RSPO2: variants seen among roughly 807,000 people sequenced by gnomAD.
RSPO2 encodes R-spondin-2.
RSPO2 carries 14 observed loss-of-function variants against 30.9 expected under a neutral mutation model. The ratio of observed to expected loss-of-function variants is 0.45; its 90% CI spans 0.30 to 0.71. The LOEUF is 0.71. Ranked by LOEUF, RSPO2 falls within the 30% of genes least tolerant of loss-of-function variation. The probability of loss-of-function intolerance (pLI) is 0.08; values close to 1 mark genes in which losing one functional copy is unlikely to be tolerated. For missense variants in RSPO2, 264 were observed against 301.9 expected (o/e 0.87, Z 0.93); for synonymous variants, 107 against 96.4 (o/e 1.11, Z -0.64).
chr8:107,911,659 A>G (rs1477130939), intron 5 of RSPO2, among the ~76,000 whole-genome samples: 1 of 152,194 alleles, frequency 6.6e-6, no homozygotes, highest in Admixed American at 6.6e-5. Context: ...TAATCCTTAC[A>G]GCAACTCGCA....
intron 5 of RSPO2, among the ~76,000 whole-genome samples, chr8:107,946,793 G>A (rs942127907): frequency 2.0e-5 from 3 of 152,110 alleles, no homozygotes; most frequent in South Asian, 2.1e-4. Context: ...CATTCAACCC[G>A]TAAGTAGTCA....
At chr8:107,928,477 T>C (rs1411269828) in intron 5 of RSPO2, among the ~76,000 whole-genome samples, 1 of 152,190 alleles carries the variant, frequency 6.6e-6, no homozygotes, top group African/African-American at 2.4e-5. Context: ...CTTCTAAGCC[T>C]AACCTTTTGA....
intron 2 of RSPO2, among the ~76,000 whole-genome samples, chr8:108,065,183 G>A (rs571077638): frequency 3.2e-4 from 48 of 148,792 alleles, no homozygotes; most frequent in Admixed American, 6.1e-4. Context: ...AAAAAAAAAA[G>A]AGTACTACAA....
intron 3 of RSPO2, among the ~76,000 whole-genome samples, chr8:107,967,963 G>C (rs554382279): frequency 6.6e-6 from 1 of 152,158 alleles, no homozygotes; most frequent in East Asian, 1.9e-4. Flanking sequence ...CAGGCTTTTT[G>C]AGAGGATTCA....
At chr8:108,046,295 G>A (rs749977565) in intron 2 of RSPO2, among the ~76,000 whole-genome samples, 16 of 152,132 alleles carry the variant, frequency 1.1e-4, no homozygotes, top group African/African-American at 3.9e-4. Context: ...AATATCTGGG[G>A]TTTGATTGCC....
intron 2 of RSPO2, among the ~76,000 whole-genome samples, chr8:108,076,097 G>A (rs977948721): frequency 6.6e-6 from 1 of 152,208 alleles, no homozygotes; most frequent in African/African-American, 2.4e-5. Context: ...TTCCAGGAAG[G>A]CTTCACAGAA....
chr8:107,983,659 G>A lies in RSPO2; in HGVS notation c.283+5397C>T, dbSNP rs1258008734. On this transcript the variant is annotated intron_variant, in intron 3 of 5. Transcript: ENST00000276659. ...CAAAATTGCAGATTTGAAGAGGCATGTGGAATTCCTTGTGGCAGAGAATTA... is the reference window on the plus strand; with the variant it reads ...CAAAATTGCAGATTTGAAGAGGCATATGGAATTCCTTGTGGCAGAGAATTA... 5.6e-6 allele frequency: 9 copies of A among 1,593,050 alleles called. No individual in the cohort carries two copies. The Admixed American group carries it at 6.7e-5, about 12-fold the overall frequency.
At chr8:107,917,958 T>C (rs975002710) in intron 5 of RSPO2, among the ~76,000 whole-genome samples, 7 of 152,154 alleles carry the variant, frequency 4.6e-5, no homozygotes, top group African/African-American at 1.7e-4. Context: ...TATAGGACTT[T>C]TTATGGGTGC....
chr8:108,049,501 AG>A (rs879415649), intron 2 of RSPO2, among the ~76,000 whole-genome samples: 5 of 151,810 alleles, frequency 3.3e-5, no homozygotes, highest in African/African-American at 4.8e-5. Flanking sequence ...CCCATTATCT[AG>A]GTTTTAAGCC....
intron 2 of RSPO2, among the ~76,000 whole-genome samples, chr8:108,041,429 T>C (rs1379855284): frequency 6.6e-6 from 1 of 151,982 alleles, no homozygotes; most frequent in Non-Finnish European, 1.5e-5. Context: ...GAAGAGATCA[T>C]ATCCAAGAAC....
intron 5 of RSPO2, among the ~76,000 whole-genome samples, chr8:107,945,709 C>G (rs1010266477): frequency 1.3e-5 from 2 of 152,094 alleles, no homozygotes; most frequent in Non-Finnish European, 2.9e-5. Flanking sequence ...CCCTCCTTTT[C>G]ATTTATTCAA....
At chr8:107,983,255 T>C in intron 3 of RSPO2, 1 of 1,587,474 alleles carries the variant, frequency 6.3e-7, no homozygotes. Context: ...GCTATGAAGC[T>C]GACACAGTCT....
intron 2 of RSPO2, among the ~76,000 whole-genome samples, chr8:108,019,543 C>A (rs1033153155): frequency 2.0e-5 from 3 of 152,086 alleles, no homozygotes; most frequent in East Asian, 1.9e-4. Flanking sequence ...TCGGTCTGAG[C>A]CAATTCTCAG....
At chr8:108,009,880 T>C (rs947828211) in intron 2 of RSPO2, among the ~76,000 whole-genome samples, 3 of 151,920 alleles carry the variant, frequency 2.0e-5, no homozygotes, top group Admixed American at 6.6e-5. Flanking sequence ...CAAAACTCCA[T>C]CTCTACAAAA....
intron 5 of RSPO2, among the ~76,000 whole-genome samples, chr8:107,955,792 T>TG (rs1429471907): frequency 6.6e-6 from 1 of 152,156 alleles, no homozygotes; most frequent in Admixed American, 6.5e-5. Context: ...GCTGCTTTAG[T>TG]GTGAAGGAGC....
chr8:108,024,998 G>A (rs1811166503), intron 2 of RSPO2, among the ~76,000 whole-genome samples: 1 of 152,144 alleles, frequency 6.6e-6, no homozygotes, highest in Admixed American at 6.5e-5. Flanking sequence ...CAGTCTGGGT[G>A]ACAAGAAAGA....
chr8:108,018,839 T>A (rs1810972840), intron 2 of RSPO2, among the ~76,000 whole-genome samples: 1 of 152,200 alleles, frequency 6.6e-6, no homozygotes, highest in Non-Finnish European at 1.5e-5. Context: ...TTAGTGAATT[T>A]GGCCTTTATA....
chr8:108,063,893 A>T (rs1328911832), intron 2 of RSPO2, among the ~76,000 whole-genome samples: 1 of 152,218 alleles, frequency 6.6e-6, no homozygotes, highest in East Asian at 1.9e-4. Flanking sequence ...CAACCATCTG[A>T]TCTTTGATAA....
chr8:107,988,973 A>C, intron 3 of RSPO2, 83 bp downstream of exon 3: 1 of 1,302,896 alleles, frequency 7.7e-7, no homozygotes, highest in Non-Finnish European at 1.1e-6. Context: ...TTTTTTTTAA[A>C]AAAATCATTC....
Sources: allele counts gnomAD v4.1 joint callset (sites outside exome capture counted in the v4.1 genomes callset), GRCh38; gene constraint gnomAD v4.1.1; transcripts MANE v1.5; gene names NCBI Gene and HGNC (gene_info 2026-07-23, HGNC 2026-07-21).